The following ATRNL1 variants were observed in gnomAD, a reference collection of about 807,000 sequenced individuals.
ATRNL1 encodes attractin like 1.
Under a neutral mutation model 182.7 loss-of-function variants are expected in ATRNL1, and 95 were observed. That is an observed-to-expected ratio of 0.52 (90% confidence interval 0.44 to 0.62). The LOEUF is 0.62. Ranked by LOEUF, ATRNL1 falls within the 20% of genes least tolerant of loss-of-function variation. ATRNL1 has a pLI of 0.00. For synonymous variants in ATRNL1, 576 were observed against 568.3 expected (o/e 1.01, Z -0.19); for missense variants, 1,471 against 1,679.5 (o/e 0.88, Z 2.17).
chr10:115,688,752 C>G (rs1275162064), intron 26 of ATRNL1, among the ~76,000 whole-genome samples: 1 of 152,082 alleles, frequency 6.6e-6, no homozygotes, highest in Non-Finnish European at 1.5e-5. Context: ...TTTCCCCATT[C>G]AGGGGGTGGT....
At chr10:115,494,482 C>T (rs935128582) in intron 24 of ATRNL1, among the ~76,000 whole-genome samples, 15 of 152,118 alleles carry the variant, frequency 9.9e-5, no homozygotes, top group Non-Finnish European at 1.9e-4. Context: ...TGGGTTTGTC[C>T]TTGATGGCTC....
chr10:115,885,008 A>G (rs1443911776), intron 28 of ATRNL1, among the ~76,000 whole-genome samples: 2 of 152,238 alleles, frequency 1.3e-5, no homozygotes, highest in Non-Finnish European at 2.9e-5. Flanking sequence ...TGCACCTACC[A>G]TAATATGCTT....
intron 26 of ATRNL1, among the ~76,000 whole-genome samples, chr10:115,577,214 CT>C (rs1555005558): frequency 6.6e-6 from 1 of 151,502 alleles, no homozygotes; most frequent in East Asian, 1.9e-4. Flanking sequence ...TATTTAGAGT[CT>C]TGTGGTTCTA....
At position 115,611,953 on chromosome 10, in the gene ATRNL1, TAAG is replaced by T. The variant is rs367623850; in HGVS notation, c.3795+62422_3795+62424del. ...TTATGAGGAAGGGGGAATTGGAAAA[TAAG>T]AAGACAACTGAGGGCCAGCCATGGT... On this transcript the variant is annotated intron_variant, in intron 26 of 28. Coordinates refer to ENST00000355044, the MANE Select transcript of ATRNL1 (RefSeq NM_207303.4). 3.2e-3 allele frequency among the ~76,000 whole-genome samples: 486 copies of T among 151,984 alleles called. 1 individual carries two copies. The highest frequency in any genetic ancestry group is 0.011 in the African/African-American group (449 of 41,472).
chr10:115,807,087 T>C (rs1190650815), intron 27 of ATRNL1, among the ~76,000 whole-genome samples: 1 of 151,910 alleles, frequency 6.6e-6, no homozygotes, highest in African/African-American at 2.4e-5. Context: ...AATGAATGCA[T>C]GTCGTTGTAC....
intron 13 of ATRNL1, among the ~76,000 whole-genome samples, chr10:115,279,277 G>A (rs1852249171): frequency 6.6e-6 from 1 of 151,772 alleles, no homozygotes; most frequent in Non-Finnish European, 1.5e-5. Context: ...TTATAATAAT[G>A]ACTATCATGA....
intron 25 of ATRNL1, among the ~76,000 whole-genome samples, chr10:115,534,506 A>G (rs1851831021): frequency 6.6e-6 from 1 of 152,262 alleles, no homozygotes; most frequent in Non-Finnish European, 1.5e-5. Flanking sequence ...GTCCCTGCAC[A>G]TGAGATGGGT....
chr10:115,736,082 T>TCC (rs1253056642), intron 27 of ATRNL1, among the ~76,000 whole-genome samples: 2 of 10,628 alleles, frequency 1.9e-4, no homozygotes, highest in African/African-American at 2.5e-4. Context: ...TCCAAGTCTT[T>TCC]GGTTATTTCT....
At chr10:115,938,261 A>T (rs1555123350) in intron 28 of ATRNL1, among the ~76,000 whole-genome samples, 1 of 152,204 alleles carries the variant, frequency 6.6e-6, no homozygotes, top group African/African-American at 2.4e-5. Flanking sequence ...TTACCATTTC[A>T]CTTCCATTAG....
At chr10:115,327,649 C>T (rs371987970) in intron 18 of ATRNL1, among the ~76,000 whole-genome samples, 10 of 146,410 alleles carry the variant, frequency 6.8e-5, no homozygotes, top group African/African-American at 1.8e-4. Flanking sequence ...ATGTTTATTG[C>T]GGCACTATTC....
chr10:115,711,834 T>TA (rs1295599040), intron 26 of ATRNL1, among the ~76,000 whole-genome samples: 3 of 152,190 alleles, frequency 2.0e-5, no homozygotes, highest in African/African-American at 4.8e-5. Context: ...CTAGAATGTG[T>TA]AAAGATACAT....
intron 27 of ATRNL1, among the ~76,000 whole-genome samples, chr10:115,732,111 G>A (rs1291122435): frequency 6.6e-6 from 1 of 152,158 alleles, no homozygotes; most frequent in Non-Finnish European, 1.5e-5. Flanking sequence ...TACTATGAAT[G>A]ATGCCACTGT....
intron 26 of ATRNL1, among the ~76,000 whole-genome samples, chr10:115,610,880 G>T (rs990173939): frequency 6.6e-6 from 1 of 152,032 alleles, no homozygotes; most frequent in Non-Finnish European, 1.5e-5. Flanking sequence ...CAAAATGTCG[G>T]AATGAAGACT....
chr10:115,358,958 T>C (rs112457588), intron 19 of ATRNL1, among the ~76,000 whole-genome samples: 2,872 of 151,786 alleles, frequency 0.019, 47 homozygotes, highest in African/African-American at 0.047. Context: ...CAATATTATA[T>C]AGTTTTTACT....
intron 26 of ATRNL1, among the ~76,000 whole-genome samples, chr10:115,628,215 C>G (rs192706336): frequency 6.6e-6 from 1 of 151,648 alleles, no homozygotes; most frequent in Non-Finnish European, 1.5e-5. Context: ...GCGATGTATG[C>G]GAGTTTCAGT....
chr10:115,566,422 T>A (rs1255841062), intron 26 of ATRNL1, among the ~76,000 whole-genome samples: 1 of 152,192 alleles, frequency 6.6e-6, no homozygotes, highest in Non-Finnish European at 1.5e-5. Context: ...TTTGCTTCCT[T>A]TAGATAATTA....
At chr10:115,543,175 A>C (rs1852457987) in intron 25 of ATRNL1, among the ~76,000 whole-genome samples, 1 of 152,120 alleles carries the variant, frequency 6.6e-6, no homozygotes, top group African/African-American at 2.4e-5. Flanking sequence ...AGTGCTCCTA[A>C]GGTACAGTAA....
At chr10:115,101,767 CATT>C (rs1188507821) in intron 1 of ATRNL1, among the ~76,000 whole-genome samples, 1 of 152,116 alleles carries the variant, frequency 6.6e-6, no homozygotes, top group African/African-American at 2.4e-5. Context: ...AGGGAATTGG[CATT>C]ATTTCTTCAT....
chr10:115,738,128 T>C (rs1329594250), intron 27 of ATRNL1, among the ~76,000 whole-genome samples: 14 of 39,730 alleles, frequency 3.5e-4, no homozygotes, highest in Non-Finnish European at 6.9e-4. Flanking sequence ...AGATAATGAT[T>C]TTTTTTTTTT....
Sources: allele counts gnomAD v4.1 joint callset (sites outside exome capture counted in the v4.1 genomes callset), GRCh38; gene constraint gnomAD v4.1.1; transcripts MANE v1.5; gene names NCBI Gene and HGNC (gene_info 2026-07-23, HGNC 2026-07-21).